Variants in CREBBP observed in about 807,000 individuals in gnomAD.
CREBBP encodes CREB binding lysine acetyltransferase.
In CREBBP, 19 loss-of-function variants were observed where a neutral mutation model predicts 265.0. The observed-to-expected ratio is 0.07, with a 90% CI of 0.05 to 0.11. CREBBP has a LOEUF of 0.11. Among genes scored for constraint, CREBBP ranks in the 10% least tolerant of loss-of-function variants. The probability of loss-of-function intolerance (pLI) is 1.00; values close to 1 mark genes in which losing one functional copy is unlikely to be tolerated. For missense variants in CREBBP, 2,525 were observed against 3,219.0 expected (o/e 0.78, Z 5.22); for synonymous variants, 1,457 against 1,223.7 (o/e 1.19, Z -3.98).
rs1345610431 is a variant in CREBBP at position 3,739,819 on chromosome 16, G to C, written c.4134-95C>G. The C allele has an allele frequency of 3.2e-6, 5 of 1,560,986 alleles. No homozygotes were observed. The East Asian group carries it at 1.1e-4, about 36-fold the overall frequency. The stretch of plus-strand genomic sequence containing the variant: ...TGCTCCTCTAACTCTGGCCACTGCA[G>C]ATGAGCGGAGGCATGGCCACCTCCT... On this transcript the variant is annotated intron_variant, in intron 24 of 30. Transcript: ENST00000262367.
rs373950003 is a variant in CREBBP, at chr16:3,729,173, C to G, written c.5874G>C (p.Ala1958=). The change falls in exon 31 of 31, where the codon GCG becomes GCC. Residue 1958 remains alanine, a synonymous_variant. Coordinates refer to ENST00000262367, the MANE Select transcript of CREBBP (RefSeq NM_004380.3). ...GGGCCTCACGCTCGATCTGCCGAGC[C>G]GCTTCCACCGCTGCAGGAGGGGGCT... ...PAQPPPAAVE[A]ARQIEREAQQ... 2.3e-5 allele frequency: 36 copies of G among 1,536,214 alleles called. No individual in the cohort carries two copies. In the African/African-American group the frequency reaches 3.9e-4, roughly 17 times the overall value.
intron 1 of CREBBP, among the ~76,000 whole-genome samples, chr16:3,877,234 G>A (rs892190591): frequency 6.6e-6 from 1 of 152,142 alleles, no homozygotes; most frequent in Admixed American, 6.5e-5. Context: ...ATAAGATTGA[G>A]TTCCTCAAGA....
chr16:3,727,706 G>A lies in CREBBP; in HGVS notation c.*12C>T, dbSNP rs755034771. The A allele has an allele frequency of 1.9e-6, 3 of 1,614,008 alleles. No homozygotes were observed. The highest frequency in any genetic ancestry group is 1.1e-5 in the South Asian group (1 of 91,078). ...AAGAACATGAAAGGGAAAAGGTGAT[G>A]CTCTCACAATGCTACAAGCCCTCCA... On this transcript the variant is annotated 3_prime_UTR_variant, in exon 31 of 31. Coordinates refer to ENST00000262367, the MANE Select transcript of CREBBP (RefSeq NM_004380.3).
intron 16 of CREBBP, among the ~76,000 whole-genome samples, chr16:3,765,264 C>G (rs1183956605): frequency 2.6e-5 from 4 of 152,116 alleles, no homozygotes; most frequent in Admixed American, 2.0e-4. Context: ...GTGTGAGGCA[C>G]CGCGTCTGGC....
At chr16:3,863,231 TG>T (rs1481736629) in intron 1 of CREBBP, among the ~76,000 whole-genome samples, 5 of 152,234 alleles carry the variant, frequency 3.3e-5, no homozygotes, top group Non-Finnish European at 5.9e-5. Flanking sequence ...ATGCACTTGA[TG>T]GCTGTACTCT....
intron 13 of CREBBP, among the ~76,000 whole-genome samples, chr16:3,772,785 C>A (rs892906053): frequency 4.6e-5 from 7 of 151,590 alleles, no homozygotes; most frequent in Non-Finnish European, 1.0e-4. Context: ...AAACTCAAAA[C>A]AAGGCTGGGT....
intron 1 of CREBBP, among the ~76,000 whole-genome samples, chr16:3,860,086 G>C (rs2055042460): frequency 6.6e-6 from 1 of 152,026 alleles, no homozygotes; most frequent in African/African-American, 2.4e-5. Context: ...CTGTCAGCTG[G>C]CGTCTGCTGC....
At chr16:3,865,360 G>A (rs570108935) in intron 1 of CREBBP, among the ~76,000 whole-genome samples, 6 of 152,322 alleles carry the variant, frequency 3.9e-5, no homozygotes, top group African/African-American at 1.4e-4. Flanking sequence ...TTATGGCACA[G>A]GTCACATAAT....
intron 12 of CREBBP, 71 bp downstream of exon 12, chr16:3,774,498 A>T: frequency 6.2e-7 from 1 of 1,603,394 alleles, no homozygotes; most frequent in Admixed American, 1.7e-5. Context: ...AGTGACATGA[A>T]TTCTGCTGCT....
chr16:3,756,794 T>G lies in CREBBP; in HGVS notation c.3698+494A>C, dbSNP rs564156618. 5.9e-5 allele frequency among the ~76,000 whole-genome samples: 9 copies of G among 152,342 alleles called. No individual in the cohort carries two copies. In the East Asian group the frequency reaches 1.5e-3, roughly 26 times the overall value. ...AGTAAAATCCACATTTTCTACTCTA[T>G]GAACATCTTGAAAAAGGCATGTCAA... On this transcript the variant is annotated intron_variant, in intron 19 of 30. Transcript: ENST00000262367.
At chr16:3,822,626 G>C (rs374343828) in intron 2 of CREBBP, among the ~76,000 whole-genome samples, 2 of 152,288 alleles carry the variant, frequency 1.3e-5, no homozygotes, top group South Asian at 2.1e-4. Context: ...AGTGGCAAGA[G>C]GAGGACTGCA....
intron 1 of CREBBP, among the ~76,000 whole-genome samples, chr16:3,872,416 A>G (rs2055318850): frequency 1.3e-5 from 2 of 152,174 alleles, no homozygotes; most frequent in African/African-American, 2.4e-5. Flanking sequence ...CACCCCTGTC[A>G]GCAGAGCACG....
chr16:3,730,718 G>A (rs932654201), intron 30 of CREBBP, among the ~76,000 whole-genome samples: 1 of 152,196 alleles, frequency 6.6e-6, no homozygotes, highest in African/African-American at 2.4e-5. Flanking sequence ...TGACTGTCCT[G>A]GGAGGGGGAT....
At chr16:3,761,347 G>C (rs2052712772) in intron 16 of CREBBP, among the ~76,000 whole-genome samples, 1 of 152,210 alleles carries the variant, frequency 6.6e-6, no homozygotes, top group South Asian at 2.1e-4. Context: ...CAGTTGGGAA[G>C]CGGCAAGCAT....
At chr16:3,757,623 C>T (rs1669913586) in intron 18 of CREBBP, among the ~76,000 whole-genome samples, 186 bp downstream of exon 18, 1 of 152,134 alleles carries the variant, frequency 6.6e-6, no homozygotes. Flanking sequence ...CATGGCCTCC[C>T]TCAGTAAGCG....
At chr16:3,784,835 C>T (rs931646136) in intron 5 of CREBBP, among the ~76,000 whole-genome samples, 19 of 152,352 alleles carry the variant, frequency 1.2e-4, no homozygotes, top group Admixed American at 3.3e-4. Context: ...GGGCAGCCAA[C>T]GCCTCATACT....
At chr16:3,873,196 C>T (rs2055335648) in intron 1 of CREBBP, among the ~76,000 whole-genome samples, 1 of 152,194 alleles carries the variant, frequency 6.6e-6, no homozygotes, top group African/African-American at 2.4e-5. Flanking sequence ...TTGTCTGCTG[C>T]TTAAACAGTC....
At chr16:3,817,345 G>A (rs948138086) in intron 2 of CREBBP, among the ~76,000 whole-genome samples, 56 of 152,328 alleles carry the variant, frequency 3.7e-4, no homozygotes, top group Admixed American at 7.2e-4. Flanking sequence ...ACCTCAGTGT[G>A]TGGGACAAAT....
intron 1 of CREBBP, among the ~76,000 whole-genome samples, chr16:3,867,683 T>TGA (rs1227494660): frequency 4.0e-5 from 6 of 149,684 alleles, no homozygotes; most frequent in Non-Finnish European, 1.5e-5. Flanking sequence ...TTTGGGAGGC[T>TGA]GAGGTTGAAG....
Sources: gnomAD v4.1 joint callset for allele counts (sites outside exome capture counted in the v4.1 genomes callset) on GRCh38, gnomAD v4.1.1 for gene constraint, MANE v1.5 for transcripts, NCBI Gene and HGNC (gene_info 2026-07-23, HGNC 2026-07-21) for gene names.